CPNE4: variants seen among roughly 807,000 people sequenced by gnomAD.
The protein encoded by CPNE4 is copine-4.
In CPNE4, 25 loss-of-function variants were observed where a neutral mutation model predicts 67.9. The ratio of observed to expected loss-of-function variants is 0.37; its 90% CI spans 0.27 to 0.51. The LOEUF is 0.51. CPNE4 is among the 20% of genes least tolerant of loss of function. The probability of loss-of-function intolerance (pLI) is 0.93; values close to 1 mark genes in which losing one functional copy is unlikely to be tolerated. For missense variants in CPNE4, 464 were observed against 690.8 expected (o/e 0.67, Z 3.68); for synonymous variants, 242 against 244.9 (o/e 0.99, Z 0.11).
intron 7 of CPNE4, 38 bp from the exon 8 acceptor site, chr3:131,587,620 G>A (rs751961749): frequency 6.8e-7 from 1 of 1,461,740 alleles, no homozygotes; most frequent in Non-Finnish European, 9.6e-7. Context: ...AAAAAATTAA[G>A]AATGTAGCCA....
chr3:131,690,072 T>C (rs1411807072), intron 5 of CPNE4, among the ~76,000 whole-genome samples: 1 of 152,278 alleles, frequency 6.6e-6, no homozygotes, highest in East Asian at 1.9e-4. Flanking sequence ...CATTCCATGC[T>C]CATGGATCGG....
chr3:131,871,997 C>T (rs2087229019), intron 2 of CPNE4, among the ~76,000 whole-genome samples: 1 of 152,116 alleles, frequency 6.6e-6, no homozygotes, highest in South Asian at 2.1e-4. Context: ...CCTTCTTATA[C>T]CATGACACTG....
At chr3:131,617,983 C>T (rs72999298) in intron 7 of CPNE4, among the ~76,000 whole-genome samples, 20,610 of 152,138 alleles carry the variant, frequency 0.14, 2,022 homozygotes, top group African/African-American at 0.27. Context: ...AGATACTGTG[C>T]TAAATGCTGA....
intron 3 of CPNE4, among the ~76,000 whole-genome samples, chr3:131,705,594 G>A (rs1272043147): frequency 6.6e-6 from 1 of 152,152 alleles, no homozygotes; most frequent in African/African-American, 2.4e-5. Flanking sequence ...ATGTGCATGT[G>A]TGTCTACATT....
In CPNE4 at chr3:131,803,520, G is replaced by C. The variant is rs80078805; in HGVS notation, c.181-79895C>G. 3.6e-3 allele frequency among the ~76,000 whole-genome samples: 553 copies of C among 152,292 alleles called. 5 individuals are homozygous for C. The highest frequency in any genetic ancestry group is 0.012 in the African/African-American group (518 of 41,562). ...ATATTCAGGTAAGAATACTCTGAAG[G>C]CATAGACATCTGGGACTCTCTCCTG... On this transcript the variant is annotated intron_variant, in intron 2 of 15. Coordinates refer to ENST00000429747, the MANE Select transcript of CPNE4 (RefSeq NM_130808.3).
intron 7 of CPNE4, among the ~76,000 whole-genome samples, chr3:131,653,522 G>A (rs532899199): frequency 1.3e-5 from 2 of 152,242 alleles, no homozygotes; most frequent in Admixed American, 1.3e-4. Flanking sequence ...AAAATAGGCA[G>A]AGTCCTAATC....
chr3:131,626,856 A>G (rs1281175882), intron 7 of CPNE4, among the ~76,000 whole-genome samples: 1 of 152,190 alleles, frequency 6.6e-6, no homozygotes, highest in East Asian at 1.9e-4. Context: ...TCTAAGTTGA[A>G]GTCCATGCTC....
At chr3:131,976,350 A>C (rs1032596792) in intron 1 of CPNE4, among the ~76,000 whole-genome samples, 3 of 152,184 alleles carry the variant, frequency 2.0e-5, no homozygotes, top group Non-Finnish European at 4.4e-5. Flanking sequence ...AAATGAAAAC[A>C]CAACAGCAAC....
intron 7 of CPNE4, among the ~76,000 whole-genome samples, 184 bp from the exon 8 acceptor site, chr3:131,587,766 T>C (rs1559944219): frequency 6.6e-6 from 1 of 152,224 alleles, no homozygotes; most frequent in Non-Finnish European, 1.5e-5. Flanking sequence ...CTTGGACTTT[T>C]TGTAATCTGC....
chr3:131,577,871 C>T (rs1559927968), intron 9 of CPNE4, among the ~76,000 whole-genome samples: 1 of 152,062 alleles, frequency 6.6e-6, no homozygotes, highest in Non-Finnish European at 1.5e-5. Context: ...GGTGGTCCAT[C>T]ATTGACAAAA....
At chr3:131,915,796 C>T (rs899556902) in intron 1 of CPNE4, among the ~76,000 whole-genome samples, 1 of 152,110 alleles carries the variant, frequency 6.6e-6, no homozygotes, top group African/African-American at 2.4e-5. Flanking sequence ...GGGAAATGTG[C>T]ATATGGAATC....
At chr3:132,024,241 G>A (rs1049041302) in intron 1 of CPNE4, among the ~76,000 whole-genome samples, 3 of 151,842 alleles carry the variant, frequency 2.0e-5, no homozygotes, top group Admixed American at 6.6e-5. Flanking sequence ...ACACCACCAC[G>A]CCGGGCTAAT....
intron 2 of CPNE4, among the ~76,000 whole-genome samples, chr3:131,771,432 A>G (rs1261133998): frequency 6.6e-6 from 1 of 152,050 alleles, no homozygotes; most frequent in Non-Finnish European, 1.5e-5. Context: ...ATTAATGCCC[A>G]TTTTGGGTGA....
chr3:131,690,763 G>A (rs1456144650), intron 5 of CPNE4, among the ~76,000 whole-genome samples: 1 of 151,530 alleles, frequency 6.6e-6, no homozygotes, highest in Non-Finnish European at 1.5e-5. Context: ...CTAAACAAGT[G>A]GCTGATAGAG....
intron 1 of CPNE4, among the ~76,000 whole-genome samples, chr3:132,024,409 G>C (rs1030653518): frequency 1.3e-5 from 2 of 152,094 alleles, no homozygotes; most frequent in Admixed American, 1.3e-4. Flanking sequence ...GTTATTAAGA[G>C]TGTAAAGCAC....
At chr3:131,771,274 A>G (rs555217409) in intron 2 of CPNE4, among the ~76,000 whole-genome samples, 1 of 152,142 alleles carries the variant, frequency 6.6e-6, no homozygotes, top group South Asian at 2.1e-4. Context: ...TCACCCATAC[A>G]GCATTTTGTT....
intron 2 of CPNE4, among the ~76,000 whole-genome samples, chr3:131,755,343 C>T (rs1005895367): frequency 6.6e-6 from 1 of 152,026 alleles, no homozygotes; most frequent in Admixed American, 6.6e-5. Context: ...GGGGAGGAGA[C>T]AGTGGTTGCA....
At chr3:131,540,968 G>A (rs917495995) in intron 15 of CPNE4, among the ~76,000 whole-genome samples, 5 of 152,100 alleles carry the variant, frequency 3.3e-5, no homozygotes, top group South Asian at 4.1e-4. Context: ...TAAGCTTCAC[G>A]GTACTGAAGG....
chr3:131,551,935 T>C (rs1936197233), intron 13 of CPNE4, among the ~76,000 whole-genome samples: 1 of 152,070 alleles, frequency 6.6e-6, no homozygotes, highest in South Asian at 2.1e-4. Flanking sequence ...GAGCAGGCTT[T>C]CTCTGGCACA....
Sources: gnomAD v4.1 joint callset for allele counts (sites outside exome capture counted in the v4.1 genomes callset) on GRCh38, gnomAD v4.1.1 for gene constraint, MANE v1.5 for transcripts, NCBI Gene and HGNC (gene_info 2026-07-23, HGNC 2026-07-21) for gene names.